Variants in CNTN4 observed in about 807,000 individuals in gnomAD.
CNTN4 encodes contactin 4.
Under a neutral mutation model 122.5 loss-of-function variants are expected in CNTN4, and 77 were observed. That is an observed-to-expected ratio of 0.63 (90% CI 0.52 to 0.76). The LOEUF is 0.76. CNTN4 is among the 30% of genes least tolerant of loss of function. The pLI, the probability that CNTN4 is intolerant of heterozygous loss-of-function variation, is 0.00. For synonymous variants in CNTN4, 512 were observed against 447.0 expected (o/e 1.15, Z -1.83); for missense variants, 1,256 against 1,259.1 (o/e 1.00, Z 0.04).
chr3:2,591,172 T>C (rs2080453334), intron 4 of CNTN4, among the ~76,000 whole-genome samples: 3 of 152,194 alleles, frequency 2.0e-5, no homozygotes, highest in African/African-American at 4.8e-5. Flanking sequence ...GAAGAGAAAA[T>C]GTGTCTGTAG....
intron 6 of CNTN4, among the ~76,000 whole-genome samples, chr3:2,750,842 A>T (rs1406996864): frequency 1.3e-5 from 2 of 152,228 alleles, no homozygotes; most frequent in Admixed American, 1.3e-4. Flanking sequence ...TGTGTGGGGC[A>T]TAAGGAATGA....
At chr3:2,827,806 G>A (rs772435704) in intron 7 of CNTN4, among the ~76,000 whole-genome samples, 12 of 152,230 alleles carry the variant, frequency 7.9e-5, no homozygotes, top group Non-Finnish European at 1.6e-4. Flanking sequence ...AAGGCACTAG[G>A]TAGACTTAGG....
At chr3:2,953,570 T>G (rs2094768687) in intron 13 of CNTN4, among the ~76,000 whole-genome samples, 1 of 152,118 alleles carries the variant, frequency 6.6e-6, no homozygotes, top group African/African-American at 2.4e-5. Flanking sequence ...CCTTGGTGTC[T>G]TCCTCTAGTC....
intron 2 of CNTN4, among the ~76,000 whole-genome samples, chr3:2,107,440 T>A (rs2032542666): frequency 6.6e-6 from 1 of 151,462 alleles, no homozygotes; most frequent in South Asian, 2.1e-4. Flanking sequence ...CAAGAGAGAG[T>A]GAATGAGCAA....
chr3:2,168,505 A>G (rs1351929224), intron 2 of CNTN4, among the ~76,000 whole-genome samples: 1 of 152,146 alleles, frequency 6.6e-6, no homozygotes, highest in Non-Finnish European at 1.5e-5. Flanking sequence ...TAAATATGAA[A>G]GATTGAAATT....
intron 6 of CNTN4, among the ~76,000 whole-genome samples, chr3:2,751,234 G>C (rs539340673): frequency 3.5e-4 from 53 of 151,492 alleles, no homozygotes; most frequent in Non-Finnish European, 5.8e-4. Flanking sequence ...CTTGAACCTG[G>C]GAGGCAGAGC....
In CNTN4 at chr3:2,799,623, C is replaced by T. The variant is rs550014898; in HGVS notation, c.359-19863C>T. On this transcript the variant is annotated intron_variant, in intron 6 of 24. Transcript: ENST00000418658. ...GACTACAGGCGCCTGCCACCATGCC[C>T]GGCTAATTTTTGTATTTTTCAGTAG... Among the ~76,000 whole-genome samples the T allele has an allele frequency of 1.1e-4, 17 of 152,186 alleles. No individual in the cohort carries two copies. The East Asian group carries it at 1.7e-3, about 16-fold the overall frequency.
intron 4 of CNTN4, among the ~76,000 whole-genome samples, chr3:2,642,389 C>T (rs917183411): frequency 1.1e-4 from 16 of 152,178 alleles, no homozygotes; most frequent in African/African-American, 3.9e-4. Context: ...AAATGTTAAT[C>T]TCCTTTGGCA....
At chr3:2,641,638 T>G (rs944102303) in intron 4 of CNTN4, among the ~76,000 whole-genome samples, 2 of 152,194 alleles carry the variant, frequency 1.3e-5, no homozygotes, top group African/African-American at 4.8e-5. Context: ...TAGTCTACAT[T>G]CCTGGTTATA....
intron 2 of CNTN4, among the ~76,000 whole-genome samples, chr3:2,206,911 G>A (rs1422840144): frequency 6.8e-6 from 1 of 147,586 alleles, no homozygotes; most frequent in African/African-American, 2.5e-5. Flanking sequence ...TTTAAGGTTT[G>A]TGGCAACTCT....
At chr3:2,863,321 C>T (rs1320906538) in intron 7 of CNTN4, among the ~76,000 whole-genome samples, 2 of 152,104 alleles carry the variant, frequency 1.3e-5, no homozygotes, top group Non-Finnish European at 2.9e-5. Flanking sequence ...CCAGCCAAGA[C>T]TTTTCTGCTG....
chr3:3,012,819 T>C (rs1697366618), intron 14 of CNTN4, among the ~76,000 whole-genome samples: 1 of 151,918 alleles, frequency 6.6e-6, no homozygotes, highest in South Asian at 2.1e-4. Context: ...AAATACAAAA[T>C]TAGCCAGGCA....
At chr3:2,629,628 C>A (rs1352836160) in intron 4 of CNTN4, 1 of 428,544 alleles carries the variant, frequency 2.3e-6, no homozygotes, top group Non-Finnish European at 4.6e-6. Context: ...ACAGCACCAG[C>A]TTTCTTAGTT....
intron 4 of CNTN4, among the ~76,000 whole-genome samples, chr3:2,654,673 G>A (rs1212346247): frequency 6.6e-6 from 1 of 152,142 alleles, no homozygotes; most frequent in African/African-American, 2.4e-5. Context: ...AGAAAAGGAA[G>A]GTTTGGGAAG....
intron 3 of CNTN4, among the ~76,000 whole-genome samples, chr3:2,560,223 C>T (rs1157516786): frequency 6.6e-6 from 1 of 151,716 alleles, no homozygotes; most frequent in Non-Finnish European, 1.5e-5. Context: ...TCACTGCAGC[C>T]TCGATTTCCC....
intron 6 of CNTN4, among the ~76,000 whole-genome samples, chr3:2,807,397 G>C (rs952506172): frequency 2.6e-5 from 4 of 152,022 alleles, no homozygotes; most frequent in African/African-American, 9.7e-5. Flanking sequence ...AAAAATATAT[G>C]GTTGAAGTTG....
intron 3 of CNTN4, among the ~76,000 whole-genome samples, chr3:2,556,649 TACAC>T (rs1022741626): frequency 4.0e-5 from 6 of 149,972 alleles, no homozygotes; most frequent in African/African-American, 7.4e-5. Flanking sequence ...CAAACACACA[TACAC>T]ACACAAACAT....
At chr3:2,914,221 A>G (rs2094330678) in intron 12 of CNTN4, among the ~76,000 whole-genome samples, 1 of 152,194 alleles carries the variant, frequency 6.6e-6, no homozygotes, top group Admixed American at 6.5e-5. Context: ...TCTCAAGTCA[A>G]TGCCCTAACT....
At chr3:2,850,197 C>G (rs1450339670) in intron 7 of CNTN4, among the ~76,000 whole-genome samples, 1 of 152,036 alleles carries the variant, frequency 6.6e-6, no homozygotes, top group Non-Finnish European at 1.5e-5. Context: ...ACCATGTTGG[C>G]CAGGCTGGTC....
Sources: allele counts gnomAD v4.1 joint callset (sites outside exome capture counted in the v4.1 genomes callset), GRCh38; gene constraint gnomAD v4.1.1; transcripts MANE v1.5; gene names NCBI Gene and HGNC (gene_info 2026-07-23, HGNC 2026-07-21).